The following SNX24 variants were observed in gnomAD, a reference collection of about 807,000 sequenced individuals.
SNX24 encodes the protein sorting nexin 24.
Under a neutral mutation model 28.7 loss-of-function variants are expected in SNX24, and 22 were observed. The ratio of observed to expected loss-of-function variants is 0.77; its 90% CI spans 0.55 to 1.10. The LOEUF is 1.10. SNX24 is among the 50% of genes least tolerant of loss of function. SNX24 has a pLI of 0.00. For missense variants in SNX24, 221 were observed against 201.1 expected (o/e 1.10, Z -0.60); for synonymous variants, 69 against 71.5 (o/e 0.96, Z 0.18).
At chr5:122,858,786 C>G (rs1200826102) in intron 1 of SNX24, among the ~76,000 whole-genome samples, 1 of 152,180 alleles carries the variant, frequency 6.6e-6, no homozygotes, top group Non-Finnish European at 1.5e-5. Context: ...AGTTGAACAT[C>G]TTTTTATATG....
chr5:122,948,770 G>A (rs1223506699), intron 3 of SNX24: 1 of 152,186 alleles, frequency 6.6e-6, no homozygotes, highest in Non-Finnish European at 1.5e-5. Context: ...ATTAGTTAAA[G>A]AGTTGGGAAT....
chr5:122,983,126 T>C (rs1761458326), intron 3 of SNX24: 1 of 151,648 alleles, frequency 6.6e-6, no homozygotes, highest in African/African-American at 2.4e-5. Flanking sequence ...AATAGTTAAG[T>C]GAATAATTAT....
intron 1 of SNX24, among the ~76,000 whole-genome samples, chr5:122,906,759 C>T (rs557105898): frequency 7.9e-5 from 12 of 152,276 alleles, no homozygotes; most frequent in African/African-American, 2.4e-4. Flanking sequence ...CCGCCCGCCT[C>T]GGACTCCCAA....
Position 122,877,824 on chromosome 5 carries a change from A to G in SNX24, c.60+32131A>G, listed in dbSNP as rs1318327073. The stretch of plus-strand genomic sequence containing the variant: ...AGTTTGCTCCTTTCTCCATTGGTGG[A>G]GTCTTCAAGCCAATAGGCCAATGAA... On this transcript the variant is annotated intron_variant, in intron 1 of 6. Coordinates refer to ENST00000261369, the MANE Select transcript of SNX24 (RefSeq NM_014035.4). Among the ~76,000 whole-genome samples, 2 of 151,912 alleles carry G rather than the reference A, an allele frequency of 1.3e-5. 1 individual carries two copies. The highest frequency in any genetic ancestry group is 1.3e-4 in the Admixed American group (2 of 15,236).
At chr5:123,029,086 G>C (rs1461884465) in intron 5 of SNX24, 1 of 933,870 alleles carries the variant, frequency 1.1e-6, no homozygotes, top group Admixed American at 2.9e-5. Flanking sequence ...AGTTAAAAGA[G>C]AGCAAACCAT....
chr5:122,977,902 T>C (rs1180720987), intron 3 of SNX24, among the ~76,000 whole-genome samples: 6 of 152,158 alleles, frequency 3.9e-5, no homozygotes, highest in African/African-American at 1.4e-4. Context: ...GCCTGTTTCA[T>C]AATGGAGAAC....
chr5:122,985,643 C>CT (rs1385920936), intron 3 of SNX24, among the ~76,000 whole-genome samples: 1 of 152,230 alleles, frequency 6.6e-6, no homozygotes, highest in Non-Finnish European at 1.5e-5. Flanking sequence ...CTATCAGTCT[C>CT]TAAGTTCTTG....
At chr5:122,958,988 T>A (rs561849006) in intron 3 of SNX24, among the ~76,000 whole-genome samples, 1 of 152,296 alleles carries the variant, frequency 6.6e-6, no homozygotes, top group African/African-American at 2.4e-5. Flanking sequence ...GCCTTTGGTA[T>A]CAGGGTAATG....
At chr5:122,964,528 A>T (rs1760635525) in intron 3 of SNX24, among the ~76,000 whole-genome samples, 1 of 152,090 alleles carries the variant, frequency 6.6e-6, no homozygotes. Context: ...ATTTTCAAAT[A>T]TTATATCATC....
chr5:122,916,029 T>C (rs1758144356), intron 1 of SNX24, among the ~76,000 whole-genome samples: 1 of 152,244 alleles, frequency 6.6e-6, no homozygotes, highest in South Asian at 2.1e-4. Flanking sequence ...ATTCATTGTG[T>C]CCTTAGTTCA....
At chr5:122,943,825 A>G (rs767820493) in intron 2 of SNX24, among the ~76,000 whole-genome samples, 30 of 152,118 alleles carry the variant, frequency 2.0e-4, no homozygotes, top group Non-Finnish European at 3.5e-4. Context: ...ACACCAGGGG[A>G]CCATTTTAGG....
chr5:122,973,177 T>A (rs1453518558), intron 3 of SNX24, among the ~76,000 whole-genome samples: 1 of 152,210 alleles, frequency 6.6e-6, no homozygotes, highest in Non-Finnish European at 1.5e-5. Context: ...ACATACCTCT[T>A]CCCCAGATTT....
intron 1 of SNX24, among the ~76,000 whole-genome samples, chr5:122,853,485 TAACA>T (rs1221371615): frequency 6.6e-6 from 1 of 152,190 alleles, no homozygotes; most frequent in African/African-American, 2.4e-5. Flanking sequence ...TCTTGAACAT[TAACA>T]AACTTAGAAT....
intron 3 of SNX24, among the ~76,000 whole-genome samples, chr5:122,979,007 A>G (rs1044687800): frequency 1.3e-5 from 2 of 152,224 alleles, no homozygotes; most frequent in African/African-American, 4.8e-5. Context: ...ATGAGAATGT[A>G]TTCTGTGTAA....
At chr5:122,979,947 T>A (rs1166707606) in intron 3 of SNX24, among the ~76,000 whole-genome samples, 1 of 152,244 alleles carries the variant, frequency 6.6e-6, no homozygotes, top group Non-Finnish European at 1.5e-5. Context: ...ATGTTGAATT[T>A]ATAAACATTT....
chr5:122,924,649 T>G (rs544662964), intron 1 of SNX24, among the ~76,000 whole-genome samples: 1 of 152,330 alleles, frequency 6.6e-6, no homozygotes, highest in South Asian at 2.1e-4. Context: ...GATAACAGAA[T>G]GCATTGAGCA....
intron 1 of SNX24, among the ~76,000 whole-genome samples, chr5:122,904,718 TTAAAG>T (rs1157650266): frequency 2.0e-5 from 3 of 152,334 alleles, no homozygotes; most frequent in East Asian, 3.9e-4. Flanking sequence ...CAGTATGCTC[TTAAAG>T]TTAACTGTGA....
chr5:122,895,660 G>A (rs1472526151), intron 1 of SNX24, among the ~76,000 whole-genome samples: 1 of 152,220 alleles, frequency 6.6e-6, no homozygotes, highest in Non-Finnish European at 1.5e-5. Context: ...AGCAGCTGCT[G>A]CTTCTCCAGG....
At chr5:122,901,445 T>C (rs977502895) in intron 1 of SNX24, among the ~76,000 whole-genome samples, 37 of 152,230 alleles carry the variant, frequency 2.4e-4, no homozygotes, top group African/African-American at 8.7e-4. Flanking sequence ...AACTAGGGTA[T>C]GTTTAGGGAC....
Sources: gnomAD v4.1 joint callset for allele counts (sites outside exome capture counted in the v4.1 genomes callset) on GRCh38, gnomAD v4.1.1 for gene constraint, MANE v1.5 for transcripts, NCBI Gene and HGNC (gene_info 2026-07-23, HGNC 2026-07-21) for gene names.